The following TMPRSS7 variants were observed in gnomAD, a reference collection of about 807,000 sequenced individuals.
TMPRSS7 encodes transmembrane serine protease 7, also known as transmembrane protease serine 7.
Under a neutral mutation model 95.6 loss-of-function variants are expected in TMPRSS7, and 81 were observed. The observed-to-expected ratio is 0.85, with a 90% CI of 0.71 to 1.02. The LOEUF is 1.02. TMPRSS7 is among the 50% of genes least tolerant of loss of function. The pLI is 0.00. For synonymous variants in TMPRSS7, 364 were observed against 337.8 expected, an observed-to-expected ratio of 1.08 and a Z score of -0.85; for missense variants, 945 against 955.2, an observed-to-expected ratio of 0.99 and a Z score of 0.14.
rs1156538909 is a variant in TMPRSS7 at position 112,073,089 on chromosome 3, CTTTTTTTTTT to C, written c.1667-1196_1667-1187del. Among the ~76,000 whole-genome samples the C allele has an allele frequency of 2.3e-5, 3 of 128,462 alleles. No individual in the cohort carries two copies. The Admixed American group carries it at 2.4e-4, about 10-fold the overall frequency. The allele number at this position is 128,462 out of a possible 152,430, so 84.3% of individuals were successfully genotyped here. A position where few individuals can be genotyped will look rare whatever the true frequency, so the allele number is the denominator to read the frequency against. On this transcript the variant is annotated intron_variant, in intron 13 of 17. Transcript: ENST00000452346. The stretch of plus-strand genomic sequence containing the variant: ...CTCTCCAGCATCTGTTGTTTCCTGA[CTTTTTTTTTT>C]TTTTTTTTTTGAGACAGAATCTTGC...
intron 10 of TMPRSS7, among the ~76,000 whole-genome samples, chr3:112,059,586 G>A (rs1197432675): frequency 6.6e-6 from 1 of 152,170 alleles, no homozygotes; most frequent in Non-Finnish European, 1.5e-5. Flanking sequence ...TATGGGCACA[G>A]GATTCTGATC....
intron 7 of TMPRSS7, among the ~76,000 whole-genome samples, chr3:112,048,792 T>C (rs1055129237): frequency 6.6e-6 from 1 of 152,220 alleles, no homozygotes; most frequent in Non-Finnish European, 1.5e-5. Flanking sequence ...TCCTCCATCA[T>C]CAGCTTCTTT....
Position 112,077,138 on chromosome 3 carries a change from G to A in TMPRSS7, c.2218G>A (p.Glu740Lys), listed in dbSNP as rs769766642. ...GGTAACTGGCTGGGGGCGAAGACAC[G>A]AAGCAGGTGTGTGTATGAATGAATG... Residue 740 changes from glutamate (E) to lysine (K), a missense_variant, in exon 16 of 18, where the codon GAA becomes AAA. By Grantham distance (56) the Glu-to-Lys change is moderately conservative. Transcript: ENST00000452346. 68 of 1,613,856 alleles carry A rather than the reference G, an allele frequency of 4.2e-5. No individual in the cohort carries two copies. In the Admixed American group the frequency reaches 8.3e-4, roughly 20 times the overall value.
intron 8 of TMPRSS7, 138 bp from the exon 9 acceptor site, chr3:112,050,533 A>AAAAAAAAAC: frequency 2.7e-6 from 1 of 370,250 alleles, no homozygotes; most frequent in Non-Finnish European, 5.0e-6. Flanking sequence ...AAAAAAAAAA[A>AAAAAAAAAC]AAAAACCCAA....
rs781343808 is a variant in TMPRSS7, at chr3:112,041,990, C to G, written c.369C>G (p.Pro123=). ...GCATCACCAACATTGAGTTTCTTCC[C>G]GAATACCGACAAAAGGAGTCCAGGG... Residue 123 remains proline (P), a synonymous_variant, in exon 3 of 18, where the codon CCC becomes CCG. Transcript: ENST00000452346. 6.4e-6 allele frequency: 10 copies of G among 1,551,470 alleles called. No individual in the cohort carries two copies. In the South Asian group the frequency reaches 1.2e-4, roughly 18 times the overall value.
Position 112,063,508 on chromosome 3 carries a change from T to C in TMPRSS7, c.1448-17T>C. 1 of 1,603,696 alleles carries C rather than the reference T, an allele frequency of 6.2e-7. No homozygotes were observed. Among genetic ancestry groups the C allele is most frequent in the Non-Finnish European group, 8.5e-7 (1 of 1,171,476 alleles). The stretch of plus-strand genomic sequence containing the variant: ...CTATCCAAGATTTTCTATTTTTTGA[T>C]TTTTTGTTGCCCATAGCCTGCCCTG... On this transcript the variant is annotated splice_polypyrimidine_tract_variant and intron_variant, in intron 11 of 17. Coordinates refer to ENST00000452346, the Ensembl canonical transcript of TMPRSS7.
intron 13 of TMPRSS7, among the ~76,000 whole-genome samples, chr3:112,067,516 G>A (rs779599621): frequency 2.6e-5 from 4 of 152,046 alleles, no homozygotes; most frequent in African/African-American, 4.8e-5. Flanking sequence ...TTTAGTGATC[G>A]CCATTCTAAC....
At chr3:112,050,522 G>GAAAAAAAAAACAAA (rs1553763188) in intron 8 of TMPRSS7, 149 bp from the exon 9 acceptor site, 1 of 150,776 alleles carries the variant, frequency 6.6e-6, no homozygotes, top group Non-Finnish European at 1.2e-5. Flanking sequence ...CCTTTCTTCT[G>GAAAAAAAAAACAAA]AAAAAAAAAA....
exon 14 of TMPRSS7, chr3:112,074,364 T>C: frequency 6.2e-7 from 1 of 1,614,046 alleles, no homozygotes; most frequent in Non-Finnish European, 8.5e-7. Context: ...AAATGCAAAA[T>C]GTGATGGGAC....
intron 1 of TMPRSS7, among the ~76,000 whole-genome samples, chr3:112,036,307 A>G (rs2073149633): frequency 6.6e-6 from 1 of 152,196 alleles, no homozygotes; most frequent in Non-Finnish European, 1.5e-5. Context: ...AGTGGCTCAC[A>G]CCTGGAATCC....
At chr3:112,050,542 A>AAATTTTAAAAAATTTAT in intron 8 of TMPRSS7, 129 bp from the exon 9 acceptor site, 1 of 407,360 alleles carries the variant, frequency 2.5e-6, no homozygotes, top group Non-Finnish European at 4.5e-6. Flanking sequence ...AAAAAAACCC[A>AAATTTTAAAAAATTTAT]AAGTTTAAGA....
intron 1 of TMPRSS7, among the ~76,000 whole-genome samples, chr3:112,035,738 A>G (rs756369381): frequency 5.3e-5 from 8 of 152,352 alleles, no homozygotes; most frequent in African/African-American, 1.2e-4. Flanking sequence ...TGAATACATT[A>G]TTAAAGAATT....
intron 5 of TMPRSS7, among the ~76,000 whole-genome samples, chr3:112,046,210 A>G (rs1221371698): frequency 1.3e-5 from 2 of 152,228 alleles, no homozygotes; most frequent in African/African-American, 4.8e-5. Context: ...TATTCAGGTC[A>G]TGCATCATCA....
At chr3:112,040,238 C>A (rs1214932077) in intron 2 of TMPRSS7, among the ~76,000 whole-genome samples, 1 of 152,172 alleles carries the variant, frequency 6.6e-6, no homozygotes. Context: ...GAATGTAGGG[C>A]ATCAAACACA....
intron 12 of TMPRSS7, 45 bp from the exon 13 acceptor site, chr3:112,066,347 G>A: frequency 6.4e-7 from 1 of 1,553,244 alleles, no homozygotes; most frequent in Non-Finnish European, 8.9e-7. Context: ...GAACCCAGCT[G>A]GTGTCTCAGG....
intron 10 of TMPRSS7, 105 bp downstream of exon 10, chr3:112,057,236 G>A: frequency 1.3e-6 from 1 of 752,976 alleles, no homozygotes; most frequent in Non-Finnish European, 2.2e-6. Context: ...TTACAGTTAG[G>A]GAAACTGAGG....
At chr3:112,038,124 G>C (rs1199258868) in exon 2 of TMPRSS7, 1 of 702,608 alleles carries the variant, frequency 1.4e-6, no homozygotes, top group African/African-American at 1.7e-5. Flanking sequence ...CTGCCAGTGA[G>C]ACGACCACCG....
At position 112,065,374 on chromosome 3, in the gene TMPRSS7, C is replaced by T. The variant is rs888443000; in HGVS notation, c.1556-1018C>T. Among the ~76,000 whole-genome samples, 6 of 152,262 alleles carry T rather than the reference C, an allele frequency of 3.9e-5. No individual in the cohort carries two copies. The East Asian group carries it at 1.2e-3, about 29-fold the overall frequency. ...TATTTTTTTAATTGACAAAACAAAA[C>T]ACAAAATTTGTCTTAGCTTATGGTT... On this transcript the variant is annotated intron_variant, in intron 12 of 17. Transcript: ENST00000452346.
intron 8 of TMPRSS7, 25 bp from the exon 9 acceptor site, chr3:112,050,646 G>T (rs2073335400): frequency 7.5e-7 from 1 of 1,339,678 alleles, no homozygotes; most frequent in Non-Finnish European, 1.0e-6. Flanking sequence ...GCAAATCATT[G>T]TGTGTCACTG....
Sources: gnomAD v4.1 joint callset for allele counts (sites outside exome capture counted in the v4.1 genomes callset) on GRCh38, gnomAD v4.1.1 for gene constraint, MANE v1.5 for transcripts, NCBI Gene and HGNC (gene_info 2026-07-23, HGNC 2026-07-21) for gene names.